CFAP58: variants seen among roughly 807,000 people sequenced by gnomAD.
CFAP58 encodes cilia and flagella associated protein 58.
Under a neutral mutation model 119.5 loss-of-function variants are expected in CFAP58, and 88 were observed. That is an observed-to-expected ratio of 0.74 (90% CI 0.62 to 0.88). The LOEUF (loss-of-function observed/expected upper bound fraction) is 0.88, where lower values mean the gene tolerates loss of function less well. Ranked by LOEUF, CFAP58 falls within the 40% of genes least tolerant of loss-of-function variation. The pLI, the probability that CFAP58 is intolerant of heterozygous loss-of-function variation, is 0.00. For synonymous variants in CFAP58, 365 were observed against 366.3 expected (o/e 1.00, Z 0.04); for missense variants, 990 against 1,021.2 (o/e 0.97, Z 0.42).
At position 104,450,872 on chromosome 10, in the gene CFAP58, C is replaced by T. The variant is rs964997074; in HGVS notation, c.2510+668C>T. On this transcript the variant is annotated intron_variant, in intron 17 of 17. Coordinates refer to ENST00000369704, the MANE Select transcript of CFAP58 (RefSeq NM_001008723.2). ...CTAGGTTTTTAGATAGTTATTATCTCTGAACCATCTTCTATGTCTAGTGAC... is the reference window on the plus strand; with the variant it reads ...CTAGGTTTTTAGATAGTTATTATCTTTGAACCATCTTCTATGTCTAGTGAC... Among the ~76,000 whole-genome samples the T allele has an allele frequency of 2.0e-5, 3 of 152,048 alleles. No homozygotes were observed. The East Asian group carries it at 5.8e-4, about 29-fold the overall frequency.
chr10:104,415,151 C>G (rs2012529383), intron 15 of CFAP58, among the ~76,000 whole-genome samples: 1 of 152,142 alleles, frequency 6.6e-6, no homozygotes, highest in African/African-American at 2.4e-5. Flanking sequence ...CTAAGCAAGG[C>G]TCTGGAGTGG....
intron 8 of CFAP58, among the ~76,000 whole-genome samples, chr10:104,377,273 A>G (rs1177068898): frequency 6.6e-6 from 1 of 152,166 alleles, no homozygotes; most frequent in Non-Finnish European, 1.5e-5. Flanking sequence ...AGTGAGTGCT[A>G]ATTGAATTTT....
At chr10:104,354,717 G>A (rs934508427) in intron 1 of CFAP58, among the ~76,000 whole-genome samples, 11 of 152,044 alleles carry the variant, frequency 7.2e-5, no homozygotes, top group Admixed American at 2.6e-4. Flanking sequence ...GATTTGCAAG[G>A]CCTGATGCAA....
chr10:104,409,375 C>A (rs929324621), intron 15 of CFAP58, among the ~76,000 whole-genome samples: 1 of 152,060 alleles, frequency 6.6e-6, no homozygotes, highest in Non-Finnish European at 1.5e-5. Context: ...TATACAGATT[C>A]TTTGGAATTT....
the CFAP58 span, among the ~76,000 whole-genome samples, chr10:104,342,666 CAAAAAAAAAA>C: frequency 6.6e-5 from 6 of 90,520 alleles, no homozygotes; most frequent in East Asian, 9.3e-4. Context: ...CCCGTCTATA[CAAAAAAAAAA>C]AAAAAAAAAA....
chr10:104,376,738 A>T, intron 7 of CFAP58, 73 bp from the exon 8 acceptor site: 1 of 1,196,580 alleles, frequency 8.4e-7, no homozygotes, highest in Non-Finnish European at 1.2e-6. Flanking sequence ...CAGTTTTTGT[A>T]TCACTTCGGC....
At chr10:104,430,494 A>G (rs953486146) in intron 15 of CFAP58, among the ~76,000 whole-genome samples, 3 of 152,202 alleles carry the variant, frequency 2.0e-5, no homozygotes, top group Non-Finnish European at 4.4e-5. Flanking sequence ...ACAGAGCTTA[A>G]TACACAATTT....
intron 5 of CFAP58, 86 bp from the exon 6 acceptor site, chr10:104,368,337 A>T (rs2014778410): frequency 7.7e-7 from 1 of 1,307,016 alleles, no homozygotes; most frequent in Non-Finnish European, 1.1e-6. Flanking sequence ...TTATCTTCCC[A>T]GGAGGTTTGT....
chr10:104,415,215 G>C (rs980639450), intron 15 of CFAP58, among the ~76,000 whole-genome samples: 1 of 152,110 alleles, frequency 6.6e-6, no homozygotes, highest in Non-Finnish European at 1.5e-5. Context: ...AGAGATTTGG[G>C]GTCTGGGCAT....
At chr10:104,365,716 G>T in intron 4 of CFAP58, 98 bp from the exon 5 acceptor site, 1 of 1,072,198 alleles carries the variant, frequency 9.3e-7, no homozygotes, top group Non-Finnish European at 1.3e-6. Flanking sequence ...GTGCTGCCTT[G>T]ACAATCACAG....
At chr10:104,384,767 T>C (rs11192030) in intron 9 of CFAP58, among the ~76,000 whole-genome samples, 24,763 of 152,182 alleles carry the variant, frequency 0.16, 2,187 homozygotes, top group Middle Eastern at 0.32. Context: ...CAAAATACCT[T>C]GATATTTGCC....
chr10:104,433,593 A>G (rs2012884180), intron 15 of CFAP58, among the ~76,000 whole-genome samples: 1 of 152,162 alleles, frequency 6.6e-6, no homozygotes, highest in Non-Finnish European at 1.5e-5. Context: ...GGGAACATGA[A>G]GAGGAGCAGA....
chr10:104,341,424 G>T, the CFAP58 span, among the ~76,000 whole-genome samples: 1 of 151,702 alleles, frequency 6.6e-6, no homozygotes, highest in East Asian at 1.9e-4. Context: ...GTATCAAATA[G>T]TTATGGTCAA....
the CFAP58 span, among the ~76,000 whole-genome samples, chr10:104,346,318 G>T: frequency 2.0e-5 from 3 of 151,994 alleles, no homozygotes; most frequent in Admixed American, 1.3e-4. Flanking sequence ...AGGGGTCAAA[G>T]CATCCACACC....
chr10:104,348,747 C>T, the CFAP58 span, among the ~76,000 whole-genome samples: 3 of 152,216 alleles, frequency 2.0e-5, no homozygotes, highest in Admixed American at 1.3e-4. Context: ...GTGTCTCTAA[C>T]TCATACATAT....
At chr10:104,357,926 CATAT>C (rs1265108424) in intron 1 of CFAP58, among the ~76,000 whole-genome samples, 5 of 100,742 alleles carry the variant, frequency 5.0e-5, no homozygotes, top group African/African-American at 2.1e-4. Flanking sequence ...TATATGTACA[CATAT>C]ACACACATAT....
intron 2 of CFAP58, among the ~76,000 whole-genome samples, chr10:104,360,355 C>A (rs1440159435): frequency 6.6e-6 from 1 of 151,992 alleles, no homozygotes; most frequent in Non-Finnish European, 1.5e-5. Context: ...AAGCATAACA[C>A]TGGCATCTGC....
chr10:104,353,931 G>T, intron 1 of CFAP58, 25 bp downstream of exon 1: 1 of 1,612,984 alleles, frequency 6.2e-7, no homozygotes, highest in Non-Finnish European at 8.5e-7. Context: ...CCCCTCTGTC[G>T]CCTTTCCCTT....
At chr10:104,425,145 GAA>G (rs2012722669) in intron 15 of CFAP58, among the ~76,000 whole-genome samples, 1 of 152,234 alleles carries the variant, frequency 6.6e-6, no homozygotes, top group Non-Finnish European at 1.5e-5. Context: ...CACAGGGTAA[GAA>G]GAAGAGTAAC....
Sources: gnomAD v4.1 joint callset for allele counts (sites outside exome capture counted in the v4.1 genomes callset) on GRCh38, gnomAD v4.1.1 for gene constraint, MANE v1.5 for transcripts, NCBI Gene and HGNC (gene_info 2026-07-23, HGNC 2026-07-21) for gene names.